Variants in PDLIM5 observed in about 807,000 individuals in gnomAD.
PDLIM5 encodes the protein PDZ and LIM domain protein 5.
PDLIM5 carries 34 observed loss-of-function variants against 64.2 expected under a neutral mutation model. The ratio of observed to expected loss-of-function variants is 0.53; its 90% CI spans 0.40 to 0.71. The LOEUF (loss-of-function observed/expected upper bound fraction) is 0.71. PDLIM5 is among the 30% of genes least tolerant of loss of function. The probability of loss-of-function intolerance (pLI) is 0.00; values close to 1 mark genes in which losing one functional copy is unlikely to be tolerated. For missense variants in PDLIM5, 683 were observed against 733.6 expected, an observed-to-expected ratio of 0.93 and a Z score of 0.80; for synonymous variants, 253 against 269.1, an observed-to-expected ratio of 0.94 and a Z score of 0.59.
intron 9 of PDLIM5, among the ~76,000 whole-genome samples, chr4:94,649,658 T>TA (rs770970367): frequency 6.6e-6 from 1 of 152,268 alleles, no homozygotes; most frequent in Non-Finnish European, 1.5e-5. Context: ...TTGCATTTAG[T>TA]AAAGTCTTGC....
At chr4:94,579,561 G>T in intron 5 of PDLIM5, 1 of 1,318,434 alleles carries the variant, frequency 7.6e-7, no homozygotes, top group Non-Finnish European at 1.0e-6. Flanking sequence ...TTACTGGAGA[G>T]GAAATATGGT....
At chr4:94,585,538 TA>T (rs1736111569) in intron 5 of PDLIM5, 26 bp from the exon 6 acceptor site, 1 of 1,444,650 alleles carries the variant, frequency 6.9e-7, no homozygotes, top group African/African-American at 1.4e-5. Context: ...TTACAATTTT[TA>T]ATTTTTTTTT....
At chr4:94,559,471 C>T (rs926873415) in intron 3 of PDLIM5, among the ~76,000 whole-genome samples, 1 of 152,210 alleles carries the variant, frequency 6.6e-6, no homozygotes, top group African/African-American at 2.4e-5. Flanking sequence ...CATGCTACAT[C>T]TTGTTTTCAT....
At chr4:94,629,564 A>C (rs1018970083) in intron 8 of PDLIM5, among the ~76,000 whole-genome samples, 2 of 152,216 alleles carry the variant, frequency 1.3e-5, no homozygotes, top group African/African-American at 4.8e-5. Flanking sequence ...TAAGAAATTA[A>C]AAAGAGAAAT....
intron 8 of PDLIM5, among the ~76,000 whole-genome samples, chr4:94,630,211 A>G (rs1391766072): frequency 1.3e-5 from 2 of 152,034 alleles, no homozygotes; most frequent in African/African-American, 2.4e-5. Flanking sequence ...CCAGTTATTT[A>G]TACAAGCACA....
At chr4:94,460,308 A>G (rs148872107) in intron 2 of PDLIM5, among the ~76,000 whole-genome samples, 409 of 152,340 alleles carry the variant, frequency 2.7e-3, no homozygotes, top group African/African-American at 8.8e-3. Flanking sequence ...TGAAAATCTT[A>G]TATTTTTTAA....
At position 94,585,649 on chromosome 4, in the gene PDLIM5, T is replaced by C. The variant is rs1454890830; in HGVS notation, c.795T>C (p.Ile265=). The C allele has an allele frequency of 1.9e-6, 3 of 1,613,046 alleles. No homozygotes were observed. The East Asian group carries it at 6.7e-5, about 36-fold the overall frequency. Residue 265 remains isoleucine (I), a synonymous_variant, in exon 6 of 13, where the codon ATT becomes ATC. Transcript: ENST00000317968. ...THSDASKKRL[I]EDTEDWRPRT... ...GTGATGCCAGCAAGAAGAGACTGATTGAGGATACTGAAGACTGGCGTCCAA... is the reference window on the plus strand; with the variant it reads ...GTGATGCCAGCAAGAAGAGACTGATCGAGGATACTGAAGACTGGCGTCCAA...
At chr4:94,576,232 C>T (rs941419869) in intron 5 of PDLIM5, among the ~76,000 whole-genome samples, 198 bp downstream of exon 5, 3 of 152,158 alleles carry the variant, frequency 2.0e-5, no homozygotes, top group African/African-American at 7.2e-5. Context: ...TCAAAAGCTA[C>T]TTGTGCATTT....
chr4:94,630,572 G>A (rs1740064985), intron 8 of PDLIM5, among the ~76,000 whole-genome samples: 1 of 151,744 alleles, frequency 6.6e-6, no homozygotes. Flanking sequence ...ACAGAGTTTT[G>A]CCATGTTGTA....
At chr4:94,591,238 A>G (rs1214290942) in intron 7 of PDLIM5, among the ~76,000 whole-genome samples, 1 of 152,236 alleles carries the variant, frequency 6.6e-6, no homozygotes, top group Non-Finnish European at 1.5e-5. Flanking sequence ...AATTCCTTAA[A>G]CCAAGTAAAT....
At chr4:94,494,238 G>T (rs1727130895) in intron 2 of PDLIM5, among the ~76,000 whole-genome samples, 2 of 151,928 alleles carry the variant, frequency 1.3e-5, no homozygotes, top group Non-Finnish European at 2.9e-5. Context: ...AAAGTGTTGG[G>T]ATCATGGGCT....
chr4:94,571,706 C>T (rs978996924), intron 3 of PDLIM5, among the ~76,000 whole-genome samples: 6 of 152,100 alleles, frequency 3.9e-5, no homozygotes, highest in Non-Finnish European at 1.5e-5. Flanking sequence ...TTTATGTAAT[C>T]TATGACATTG....
In PDLIM5 at chr4:94,664,096, ATTTG is replaced by A; in HGVS notation, c.*30_*33del. The A allele has an allele frequency of 6.7e-7, 1 of 1,492,572 alleles. No individual in the cohort carries two copies. Among genetic ancestry groups the A allele is most frequent in the African/African-American group, 1.4e-5 (1 of 70,906 alleles). The allele number at this position is 1,492,572 out of a possible 1,614,324, so 92.5% of individuals were successfully genotyped here. On this transcript the variant is annotated 3_prime_UTR_variant, in exon 13 of 13. Transcript: ENST00000317968. Reference sequence around the variant, plus strand: ...TCAACAGTTCAGGAGAAGAGAAGGAATTTGAAGAGAAAAAGGAAAATTAAAATTA... The same window carrying A: ...TCAACAGTTCAGGAGAAGAGAAGGAAAAGAGAAAAAGGAAAATTAAAATTA...
intron 5 of PDLIM5, among the ~76,000 whole-genome samples, chr4:94,580,692 G>A (rs536078627): frequency 6.6e-6 from 1 of 152,032 alleles, no homozygotes; most frequent in Non-Finnish European, 1.5e-5. Flanking sequence ...TATGTGATTT[G>A]AGTCTTTAAA....
intron 3 of PDLIM5, among the ~76,000 whole-genome samples, chr4:94,566,437 T>C (rs1560707627): frequency 6.6e-6 from 1 of 152,302 alleles, no homozygotes; most frequent in East Asian, 1.9e-4. Context: ...TAGTATATAA[T>C]CAGAAATAGA....
intron 7 of PDLIM5, among the ~76,000 whole-genome samples, chr4:94,612,120 A>G (rs1233858194): frequency 6.6e-6 from 1 of 152,168 alleles, no homozygotes; most frequent in Admixed American, 6.5e-5. Flanking sequence ...CAGGAGGCTG[A>G]GGCAGGAGAA....
At chr4:94,525,350 G>A (rs1012832728) in intron 3 of PDLIM5, among the ~76,000 whole-genome samples, 16 of 152,046 alleles carry the variant, frequency 1.1e-4, no homozygotes, top group African/African-American at 3.9e-4. Context: ...CTCTAGAGGT[G>A]GAGGTTGCAG....
chr4:94,487,214 T>C (rs1726428353), intron 2 of PDLIM5, among the ~76,000 whole-genome samples: 1 of 152,334 alleles, frequency 6.6e-6, no homozygotes, highest in African/African-American at 2.4e-5. Context: ...TTTTGCTGCC[T>C]AAAAATATTT....
At chr4:94,610,288 A>G (rs933282876) in intron 7 of PDLIM5, 8 of 1,516,302 alleles carry the variant, frequency 5.3e-6, no homozygotes, top group South Asian at 2.5e-5. Context: ...GTCTGCTGTT[A>G]TTGCTACAAA....
Sources: allele counts gnomAD v4.1 joint callset (sites outside exome capture counted in the v4.1 genomes callset), GRCh38; gene constraint gnomAD v4.1.1; transcripts MANE v1.5; gene names NCBI Gene and HGNC (gene_info 2026-07-23, HGNC 2026-07-21).